Variants in DLGAP1 observed in about 807,000 individuals in gnomAD.
The protein encoded by DLGAP1 is DLG associated protein 1.
In DLGAP1, 11 loss-of-function variants were observed where a neutral mutation model predicts 90.8. The observed-to-expected ratio is 0.12, with a 90% CI of 0.08 to 0.20. DLGAP1 has a LOEUF of 0.20. Among genes scored for constraint, DLGAP1 ranks in the 10% least tolerant of loss-of-function variants. The probability of loss-of-function intolerance (pLI) is 1.00; values close to 1 mark genes in which losing one functional copy is unlikely to be tolerated. For missense variants in DLGAP1, 1,050 were observed against 1,333.8 expected, an observed-to-expected ratio of 0.79 and a Z score of 3.31; for synonymous variants, 558 against 540.7, an observed-to-expected ratio of 1.03 and a Z score of -0.44.
chr18:3,597,443 A>G (rs2056646169), intron 7 of DLGAP1: 1 of 357,278 alleles, frequency 2.8e-6, no homozygotes, highest in Admixed American at 4.1e-5. Context: ...ACTTATTGCC[A>G]ATTCTTGCTT....
At chr18:4,424,642 G>A (rs185100780) in intron 1 of DLGAP1, among the ~76,000 whole-genome samples, 1 of 152,242 alleles carries the variant, frequency 6.6e-6, no homozygotes, top group Admixed American at 6.5e-5. Flanking sequence ...TGACCAAACT[G>A]TTCTCTGTGG....
chr18:4,442,280 G>A (rs2658247), intron 1 of DLGAP1, among the ~76,000 whole-genome samples: 98,157 of 151,896 alleles, frequency 0.65, 32,080 homozygotes, highest in East Asian at 0.74. Context: ...TTACAGGCGT[G>A]AGCCACTTTG....
chr18:3,770,884 T>C (rs2064500458), intron 5 of DLGAP1: 1 of 152,146 alleles, frequency 6.6e-6, no homozygotes, highest in African/African-American at 2.4e-5. Flanking sequence ...CAGATAGGTG[T>C]TTAGGTGTTG....
chr18:3,551,675 TTCCCTCCC>T lies in DLGAP1; in HGVS notation c.2057+15807_2057+15814del, dbSNP rs1568180058. Reference sequence around the variant, plus strand: ...CTCTTTGTCTCTTTCCTTCTTTCTTTTCCCTCCCCTCCCTCCCTCCCTCCCTCCCTCCC... The same window carrying T: ...CTCTTTGTCTCTTTCCTTCTTTCTTTCTCCCTCCCTCCCTCCCTCCCTCCC... On this transcript the variant is annotated intron_variant, in intron 9 of 12. Transcript: ENST00000315677. Among the ~76,000 whole-genome samples the T allele has an allele frequency of 1.1e-4, 6 of 56,134 alleles. 2 individuals carry two copies. The highest frequency in any genetic ancestry group is 8.4e-4 in the South Asian group (1 of 1,192). The allele number at this position is 56,134 out of a possible 152,430, so 36.8% of individuals were successfully genotyped here. A position where few individuals can be genotyped will look rare whatever the true frequency, so the allele number is the denominator to read the frequency against.
intron 1 of DLGAP1, among the ~76,000 whole-genome samples, chr18:4,417,463 C>T (rs909011050): frequency 7.2e-5 from 11 of 151,964 alleles, no homozygotes; most frequent in Non-Finnish European, 1.2e-4. Context: ...GAGACAGAAA[C>T]GTTTGCTTAC....
intron 1 of DLGAP1, among the ~76,000 whole-genome samples, chr18:4,296,123 TC>T (rs2079975058): frequency 1.3e-5 from 2 of 152,170 alleles, no homozygotes; most frequent in African/African-American, 4.8e-5. Context: ...CAAGCAACCT[TC>T]TATGAATCTA....
chr18:3,965,124 A>G (rs1387460087), intron 3 of DLGAP1, among the ~76,000 whole-genome samples: 1 of 152,216 alleles, frequency 6.6e-6, no homozygotes, highest in African/African-American at 2.4e-5. Context: ...GTAAACAAAT[A>G]GAGGCATGGA....
intron 2 of DLGAP1, among the ~76,000 whole-genome samples, chr18:4,139,517 C>G (rs1050395008): frequency 4.6e-5 from 7 of 151,940 alleles, no homozygotes; most frequent in African/African-American, 1.7e-4. Flanking sequence ...TGTTTTAAGA[C>G]TTGCTTTGTG....
At chr18:3,745,128 G>A (rs146858444) in intron 5 of DLGAP1, among the ~76,000 whole-genome samples, 5 of 152,290 alleles carry the variant, frequency 3.3e-5, no homozygotes, top group Non-Finnish European at 5.9e-5. Context: ...GTCCAGAATA[G>A]GCAAATCGCT....
chr18:3,580,032 A>G, intron 8 of DLGAP1: 1 of 641,544 alleles, frequency 1.6e-6, no homozygotes, highest in Non-Finnish European at 2.7e-6. Flanking sequence ...AAAAATAGAA[A>G]TGTGCGTTAG....
At chr18:3,954,474 A>T (rs886368983) in intron 3 of DLGAP1, among the ~76,000 whole-genome samples, 1 of 152,212 alleles carries the variant, frequency 6.6e-6, no homozygotes, top group African/African-American at 2.4e-5. Context: ...AACATTAAAC[A>T]ATATTTTTAC....
chr18:3,709,559 A>C (rs571448608), intron 7 of DLGAP1, among the ~76,000 whole-genome samples: 1 of 152,310 alleles, frequency 6.6e-6, no homozygotes, highest in African/African-American at 2.4e-5. Flanking sequence ...CAGGCTTTTC[A>C]ACATTTTTTC....
chr18:3,880,786 T>A (rs1161188571), intron 3 of DLGAP1, among the ~76,000 whole-genome samples: 1 of 151,288 alleles, frequency 6.6e-6, no homozygotes, highest in Non-Finnish European at 1.5e-5. Flanking sequence ...CTACTAAAAA[T>A]ACAAAAATTA....
rs532384131 is a variant in DLGAP1, at chr18:4,349,151, C to T, written c.-267+105855G>A. Among the ~76,000 whole-genome samples the T allele has an allele frequency of 8.5e-5, 13 of 152,176 alleles. No homozygotes were observed. The East Asian group carries it at 1.9e-3, about 23-fold the overall frequency. ...AAAATTAACATCACCAGGAATGAGA[C>T]GTGTTGACATCATGTAACTCCTCAT... On this transcript the variant is annotated intron_variant, in intron 1 of 12. Transcript: ENST00000315677.
At chr18:3,677,897 G>A (rs2060365605) in intron 7 of DLGAP1, among the ~76,000 whole-genome samples, 1 of 150,018 alleles carries the variant, frequency 6.7e-6, no homozygotes, top group South Asian at 2.1e-4. Context: ...GACCTCAAGT[G>A]ATCTGCCTGC....
chr18:3,966,757 A>G (rs2073340478), intron 3 of DLGAP1, among the ~76,000 whole-genome samples: 2 of 152,306 alleles, frequency 1.3e-5, no homozygotes, highest in South Asian at 2.1e-4. Context: ...TGTTTATTAG[A>G]TATTCAAGTG....
Position 3,711,132 on chromosome 18 carries a change from C to T in DLGAP1, c.1591+18003G>A, listed in dbSNP as rs776209124. 5.3e-5 allele frequency among the ~76,000 whole-genome samples: 8 copies of T among 152,166 alleles called. 1 individual carries two copies. The South Asian group carries it at 6.2e-4, about 12-fold the overall frequency. The stretch of plus-strand genomic sequence containing the variant: ...TCTGGCAGAGACTTGGCTATAAACA[C>T]GATGATCTCAGCCACAGAGTGTAAG... On this transcript the variant is annotated intron_variant, in intron 7 of 12. Transcript: ENST00000315677. This position sits in a 1 kb window ranked among gnomAD's most constrained non-coding sequence, Gnocchi z 4.0.
At chr18:4,355,602 A>G (rs970528506) in intron 1 of DLGAP1, among the ~76,000 whole-genome samples, 3 of 152,236 alleles carry the variant, frequency 2.0e-5, no homozygotes, top group East Asian at 3.9e-4. Context: ...CATAAACAGA[A>G]GTGCATATGT....
chr18:4,169,742 A>G (rs2076992731), intron 1 of DLGAP1, among the ~76,000 whole-genome samples: 1 of 152,252 alleles, frequency 6.6e-6, no homozygotes, highest in South Asian at 2.1e-4. Context: ...CCACACGTGC[A>G]TGGGCAGAGC....
Sources: gnomAD v4.1 joint callset for allele counts (sites outside exome capture counted in the v4.1 genomes callset) on GRCh38, gnomAD v4.1.1 for gene constraint, Gnocchi (gnomAD v3.1) non-coding constraint, MANE v1.5 for transcripts, NCBI Gene and HGNC (gene_info 2026-07-23, HGNC 2026-07-21) for gene names.